LINGO2: variants seen among roughly 807,000 people sequenced by gnomAD.
The protein encoded by LINGO2 is leucine-rich repeat and immunoglobulin-like domain-containing nogo receptor-interacting protein 2.
A neutral mutation model predicts 30.6 loss-of-function variants in LINGO2; 14 were observed. That is an observed-to-expected ratio of 0.46 (90% CI 0.30 to 0.72). The LOEUF (loss-of-function observed/expected upper bound fraction) is 0.72, where lower values mean the gene tolerates loss of function less well. Among genes scored for constraint, LINGO2 ranks in the 30% least tolerant of loss-of-function variants. LINGO2 has a pLI of 0.07. For missense variants in LINGO2, 729 were observed against 751.7 expected, an observed-to-expected ratio of 0.97 and a Z score of 0.35; for synonymous variants, 317 against 288.5, an observed-to-expected ratio of 1.10 and a Z score of -1.00.
chr9:28,170,068 A>G (rs1225133586), intron 4 of LINGO2, among the ~76,000 whole-genome samples: 1 of 152,242 alleles, frequency 6.6e-6, no homozygotes, highest in Non-Finnish European at 1.5e-5. Context: ...AGGCAAGAAT[A>G]ACTTTCTGTT....
At chr9:28,104,313 C>T (rs779455789) in intron 4 of LINGO2, among the ~76,000 whole-genome samples, 4 of 119,592 alleles carry the variant, frequency 3.3e-5, no homozygotes, top group African/African-American at 6.2e-5. Flanking sequence ...GCAACAATGA[C>T]GAATGAGAAA....
intron 4 of LINGO2, among the ~76,000 whole-genome samples, chr9:28,092,467 GTT>G (rs1563969752): frequency 1.7e-4 from 25 of 147,092 alleles, no homozygotes; most frequent in African/African-American, 6.0e-4. Context: ...AACACCGCAT[GTT>G]CTCACTCATA....
intron 4 of LINGO2, among the ~76,000 whole-genome samples, chr9:28,241,861 T>A (rs1821812807): frequency 6.6e-6 from 1 of 152,030 alleles, no homozygotes; most frequent in Non-Finnish European, 1.5e-5. Flanking sequence ...CCCAGCAAAC[T>A]GCAGCAGCCC....
chr9:28,328,453 C>A (rs1207093854), intron 3 of LINGO2, among the ~76,000 whole-genome samples: 1 of 151,652 alleles, frequency 6.6e-6, no homozygotes, highest in African/African-American at 2.4e-5. Context: ...CTTCAGCATC[C>A]TTGTAGAATA....
intron 1 of LINGO2, among the ~76,000 whole-genome samples, chr9:28,549,577 G>C (rs996237637): frequency 8.6e-5 from 13 of 151,940 alleles, no homozygotes; most frequent in African/African-American, 3.1e-4. Context: ...TGCAGTAGCA[G>C]TGTATGAAAG....
rs1055976289 is a variant in LINGO2, at chr9:28,591,312, A to T, written c.-365+78888T>A. On this transcript the variant is annotated intron_variant, in intron 1 of 5. Transcript: ENST00000379992. ...ACCCTAAAACTTAAAGTATAATAAA[A>T]ATATATATATATAAAAGTCACTGAT... Among the ~76,000 whole-genome samples the T allele has an allele frequency of 1.4e-3, 215 of 151,868 alleles. 3 individuals are homozygous for T. The highest frequency in any genetic ancestry group is 5.1e-3 in the African/African-American group (211 of 41,432).
intron 3 of LINGO2, among the ~76,000 whole-genome samples, chr9:28,356,931 C>T (rs937508199): frequency 2.5e-4 from 7 of 27,916 alleles, no homozygotes; most frequent in South Asian, 2.7e-3. Context: ...GGGGTAAAAA[C>T]GGCTCTGAGA....
At chr9:28,117,682 G>T (rs909370180) in intron 4 of LINGO2, among the ~76,000 whole-genome samples, 1 of 137,960 alleles carries the variant, frequency 7.2e-6, no homozygotes, top group Non-Finnish European at 1.6e-5. Context: ...TTCCAGGTGC[G>T]TCCGTCACCC....
chr9:28,004,159 AGTGG>A (rs1293692061), intron 5 of LINGO2, among the ~76,000 whole-genome samples: 426 of 152,310 alleles, frequency 2.8e-3, no homozygotes, highest in African/African-American at 9.5e-3. Context: ...TTCTTGATAC[AGTGG>A]TTTGTATTAA....
intron 1 of LINGO2, among the ~76,000 whole-genome samples, chr9:28,510,938 C>T (rs1316896304): frequency 8.6e-5 from 13 of 152,044 alleles, no homozygotes; most frequent in South Asian, 2.1e-4. Flanking sequence ...GCATCGAGTG[C>T]GGGAGAAAGA....
At chr9:28,829,971 A>G in the LINGO2 span, among the ~76,000 whole-genome samples, 1 of 152,230 alleles carries the variant, frequency 6.6e-6, no homozygotes, top group Non-Finnish European at 1.5e-5. Context: ...TGCTGTCATC[A>G]TAAGGAACAT....
At chr9:28,551,110 C>T (rs1056761558) in intron 1 of LINGO2, among the ~76,000 whole-genome samples, 10 of 151,796 alleles carry the variant, frequency 6.6e-5, no homozygotes, top group African/African-American at 9.7e-5. Flanking sequence ...CATTGAGTAG[C>T]CTCTCTTCCA....
intron 1 of LINGO2, among the ~76,000 whole-genome samples, chr9:28,666,444 C>G (rs1828804998): frequency 6.6e-6 from 1 of 152,042 alleles, no homozygotes; most frequent in African/African-American, 2.4e-5. Context: ...CCCTATATCA[C>G]TAGAAAATAA....
intron 1 of LINGO2, among the ~76,000 whole-genome samples, chr9:28,640,047 C>T (rs1308470344): frequency 6.6e-6 from 1 of 152,088 alleles, no homozygotes; most frequent in Non-Finnish European, 1.5e-5. Context: ...ATTTGCTTGT[C>T]TGTAAAGGAT....
the LINGO2 span, among the ~76,000 whole-genome samples, chr9:28,923,335 G>A: frequency 1.3e-5 from 2 of 152,118 alleles, no homozygotes; most frequent in Admixed American, 6.6e-5. Flanking sequence ...AGAATCTCAC[G>A]AGTGGCTTTT....
the LINGO2 span, among the ~76,000 whole-genome samples, chr9:29,160,737 T>A: frequency 3.9e-5 from 6 of 152,212 alleles, no homozygotes; most frequent in African/African-American, 1.4e-4. Context: ...TTGACAAATG[T>A]TGATAGTTTT....
At chr9:28,639,255 T>C (rs1405647644) in intron 1 of LINGO2, among the ~76,000 whole-genome samples, 1 of 152,196 alleles carries the variant, frequency 6.6e-6, no homozygotes, top group African/African-American at 2.4e-5. Context: ...TGGTCAATTT[T>C]GGAATAGGTG....
chr9:28,963,300 G>A, the LINGO2 span, among the ~76,000 whole-genome samples: 1 of 151,718 alleles, frequency 6.6e-6, no homozygotes, highest in Admixed American at 6.6e-5. Context: ...GCCATATATA[G>A]CTAATGGCTA....
the LINGO2 span, among the ~76,000 whole-genome samples, chr9:29,087,434 T>C: frequency 1.3e-5 from 2 of 152,192 alleles, no homozygotes; most frequent in Non-Finnish European, 2.9e-5. Context: ...GAAACTACAT[T>C]ATACAGTTGA....
Sources: allele counts gnomAD v4.1 joint callset (sites outside exome capture counted in the v4.1 genomes callset), GRCh38; gene constraint gnomAD v4.1.1; transcripts MANE v1.5; gene names NCBI Gene and HGNC (gene_info 2026-07-23, HGNC 2026-07-21).